Variants in VDR observed in about 807,000 individuals in gnomAD.
The protein encoded by VDR is vitamin D3 receptor.
A neutral mutation model predicts 39.7 loss-of-function variants in VDR; 19 were observed. The observed-to-expected ratio is 0.48, with a 90% confidence interval of 0.33 to 0.70. The LOEUF is 0.70. VDR is among the 30% of genes least tolerant of loss of function. The probability of loss-of-function intolerance (pLI) is 0.02; values close to 1 mark genes in which losing one functional copy is unlikely to be tolerated. For missense variants in VDR, 442 were observed against 570.5 expected (o/e 0.77, Z 2.29); for synonymous variants, 242 against 215.8 (o/e 1.12, Z -1.07).
At chr12:47,868,902 C>T (rs968910507) in intron 3 of VDR, among the ~76,000 whole-genome samples, 2 of 152,162 alleles carry the variant, frequency 1.3e-5, no homozygotes, top group Non-Finnish European at 2.9e-5. Context: ...ACCAAGAAGA[C>T]AGCACATCGT....
chr12:47,846,097 C>T (rs1274128169), intron 9 of VDR, among the ~76,000 whole-genome samples: 1 of 152,220 alleles, frequency 6.6e-6, no homozygotes, highest in Non-Finnish European at 1.5e-5. Flanking sequence ...TCTAGTTCCT[C>T]AGAATCCCCC....
intron 1 of VDR, among the ~76,000 whole-genome samples, chr12:47,894,848 T>C (rs1262425568): frequency 6.6e-6 from 1 of 152,164 alleles, no homozygotes; most frequent in Non-Finnish European, 1.5e-5. Context: ...GGGACCCTAG[T>C]CAAGGACTCA....
At chr12:47,890,658 G>T (rs1007348031) in intron 1 of VDR, among the ~76,000 whole-genome samples, 1 of 151,998 alleles carries the variant, frequency 6.6e-6, no homozygotes, top group Admixed American at 6.6e-5. Context: ...CAAAACACTC[G>T]CAAAAACCCA....
At chr12:47,860,202 G>C (rs1945598527) in intron 4 of VDR, among the ~76,000 whole-genome samples, 1 of 152,072 alleles carries the variant, frequency 6.6e-6, no homozygotes, top group Non-Finnish European at 1.5e-5. Context: ...CTGACCTCAG[G>C]TGATCTGCCC....
chr12:47,879,226 C>A, intron 2 of VDR, 111 bp from the exon 3 acceptor site: 1 of 1,345,612 alleles, frequency 7.4e-7, no homozygotes, highest in Non-Finnish European at 1.0e-6. Context: ...CACCCCCCAC[C>A]ACCAGGGAGC....
At position 47,844,562 on chromosome 12, in the gene VDR, A is replaced by C. The variant is rs11574116; in HGVS notation, c.*184T>G. The C allele has an allele frequency of 1.3e-3, 1,054 of 795,274 alleles. 11 individuals carry two copies. The African/African-American group carries it at 0.016, about 12-fold the overall frequency. The allele number at this position is 795,274 out of a possible 1,614,324, so 49.3% of individuals were successfully genotyped here. On this transcript the variant is annotated 3_prime_UTR_variant, in exon 10 of 10. Transcript: ENST00000549336. ...CTGAGGTCTCAAGGGACCGGGGAAAAGCCCGCAGGAAAGGGGTTAGGTTGG... is the reference window on the plus strand; with the variant it reads ...CTGAGGTCTCAAGGGACCGGGGAAACGCCCGCAGGAAAGGGGTTAGGTTGG...
At chr12:47,863,398 C>T (rs1945664104) in intron 4 of VDR, among the ~76,000 whole-genome samples, 1 of 152,212 alleles carries the variant, frequency 6.6e-6, no homozygotes, top group African/African-American at 2.4e-5. Flanking sequence ...ACTCCTGTGG[C>T]AGTGCCTTAC....
chr12:47,900,345 T>C (rs1272856144), intron 1 of VDR, among the ~76,000 whole-genome samples: 1 of 152,176 alleles, frequency 6.6e-6, no homozygotes, highest in Non-Finnish European at 1.5e-5. Context: ...AAACATTTAC[T>C]GCGGGTGTAT....
chr12:47,867,469 C>T (rs529399379), intron 3 of VDR, among the ~76,000 whole-genome samples: 5 of 152,058 alleles, frequency 3.3e-5, no homozygotes, highest in East Asian at 1.9e-4. Flanking sequence ...TTTCCTAATT[C>T]GAACATTCTC....
At chr12:47,850,185 T>TAC (rs1452877765) in intron 7 of VDR, among the ~76,000 whole-genome samples, 7 of 152,172 alleles carry the variant, frequency 4.6e-5, no homozygotes, top group Non-Finnish European at 1.0e-4. Context: ...AATATATATA[T>TAC]ACCCACAAAT....
rs574666916 is a variant in VDR, at chr12:47,889,055, A to C, written c.-83-6281T>G. The stretch of plus-strand genomic sequence containing the variant: ...AATTATTATGTGTCAACTACAAATA[A>C]AAAGAAAAAATTCTAAGAAAGTCAA... On this transcript the variant is annotated intron_variant, in intron 1 of 9. Transcript: ENST00000549336. Among the ~76,000 whole-genome samples the C allele has an allele frequency of 3.1e-4, 47 of 152,284 alleles. No individual in the cohort carries two copies. The South Asian group carries it at 7.5e-3, about 24-fold the overall frequency.
intron 7 of VDR, among the ~76,000 whole-genome samples, chr12:47,851,479 C>A (rs571726470): frequency 6.6e-6 from 1 of 152,300 alleles, no homozygotes; most frequent in South Asian, 2.1e-4. Context: ...TGTGCCCCCA[C>A]ACACCCACAC....
At chr12:47,883,170 G>C (rs1946192322) in intron 1 of VDR, among the ~76,000 whole-genome samples, 1 of 152,158 alleles carries the variant, frequency 6.6e-6, no homozygotes, top group East Asian at 1.9e-4. Context: ...CAGATTGTAG[G>C]CAGCTCAGGA....
At chr12:47,880,075 G>A (rs1486150024) in intron 2 of VDR, among the ~76,000 whole-genome samples, 1 of 152,090 alleles carries the variant, frequency 6.6e-6, no homozygotes, top group Non-Finnish European at 1.5e-5. Flanking sequence ...ACCTCAGACT[G>A]CCCTGAAATG....
chr12:47,885,326 A>G lies in VDR; in HGVS notation c.-83-2552T>C, dbSNP rs1330410923. ...TGACCTTGCCTTAGCAAGAAATGAGAAGATAACACGTTTCCTTCCAGTCAC... is the reference window on the plus strand; with the variant it reads ...TGACCTTGCCTTAGCAAGAAATGAGGAGATAACACGTTTCCTTCCAGTCAC... On this transcript the variant is annotated intron_variant, in intron 1 of 9. Coordinates refer to ENST00000549336, the MANE Select transcript of VDR (RefSeq NM_000376.3). 2.6e-5 allele frequency among the ~76,000 whole-genome samples: 4 copies of G among 152,176 alleles called. No individual in the cohort carries two copies. The East Asian group carries it at 5.8e-4, about 22-fold the overall frequency.
intron 3 of VDR, among the ~76,000 whole-genome samples, chr12:47,872,836 C>T (rs983033485): frequency 6.6e-6 from 1 of 152,230 alleles, no homozygotes; most frequent in African/African-American, 2.4e-5. Context: ...GATAATGATA[C>T]TAGCTATCAC....
intron 1 of VDR, 37 bp downstream of exon 1, chr12:47,904,918 C>T (rs1946642446): frequency 4.0e-6 from 1 of 250,758 alleles, no homozygotes. Flanking sequence ...GAGTCCCTAT[C>T]CTGAGACCCC....
chr12:47,878,734 A>G (rs1946063629), intron 3 of VDR: 9 of 684,980 alleles, frequency 1.3e-5, no homozygotes, highest in African/African-American at 7.1e-5. Context: ...AGAGACCCAC[A>G]CAGCAACCTC....
chr12:47,882,640 C>A (rs886915164), intron 2 of VDR, 54 bp downstream of exon 2: 2 of 714,640 alleles, frequency 2.8e-6, no homozygotes, highest in Non-Finnish European at 4.6e-6. Context: ...CCCCCCACCC[C>A]GCCCCTTGAA....
Sources: allele counts gnomAD v4.1 joint callset (sites outside exome capture counted in the v4.1 genomes callset), GRCh38; gene constraint gnomAD v4.1.1; transcripts MANE v1.5; gene names NCBI Gene and HGNC (gene_info 2026-07-23, HGNC 2026-07-21).